Variants in CEP135 observed in about 807,000 individuals in gnomAD.
The protein encoded by CEP135 is centrosomal protein of 135 kDa.
Under a neutral mutation model 157.3 loss-of-function variants are expected in CEP135, and 142 were observed. The observed-to-expected ratio is 0.90, with a 90% CI of 0.79 to 1.04. CEP135 has a LOEUF of 1.04. CEP135 is among the 50% of genes least tolerant of loss of function. The pLI is 0.00. For synonymous variants in CEP135, 396 were observed against 439.8 expected (o/e 0.90, Z 1.25); for missense variants, 1,317 against 1,309.2 (o/e 1.01, Z -0.09).
chr4:56,013,469 C>T (rs1730662742), intron 21 of CEP135, among the ~76,000 whole-genome samples: 1 of 151,978 alleles, frequency 6.6e-6, no homozygotes, highest in Non-Finnish European at 1.5e-5. Context: ...AAAGCTTTTC[C>T]CCTATGTTTT....
At chr4:56,001,571 T>C (rs1730171247) in intron 17 of CEP135, among the ~76,000 whole-genome samples, 1 of 152,134 alleles carries the variant, frequency 6.6e-6, no homozygotes, top group South Asian at 2.1e-4. Context: ...GCTTTAAATG[T>C]GTGGATTTAT....
At chr4:56,010,175 A>ACCCCCCCCCCCC (rs3036749) in intron 19 of CEP135, among the ~76,000 whole-genome samples, 2 of 122,884 alleles carry the variant, frequency 1.6e-5, no homozygotes, top group African/African-American at 2.9e-5. Context: ...CATTGTGAAA[A>ACCCCCCCCCCCC]CCCCCCCCCC....
In CEP135 at chr4:55,965,846, T is replaced by C. The variant is rs769895661; in HGVS notation, c.1031T>C (p.Leu344Pro). The C allele has an allele frequency of 2.5e-6, 4 of 1,612,736 alleles. No homozygotes were observed. In the South Asian group the frequency reaches 4.4e-5, roughly 18 times the overall value. Residue 344 changes from leucine to proline, a missense_variant, in exon 8 of 26, where the codon CTT (leucine) becomes CCT (proline). Coordinates refer to ENST00000257287, the MANE Select transcript of CEP135 (RefSeq NM_025009.5). ...EEVLETADKELGEAKKEIKRK... is the reference protein window; with the variant it reads ...EEVLETADKEPGEAKKEIKRK... ...GTGCTTGAGACTGCTGATAAAGAGCTTGGGGAAGCAAAGGTAATGAATGAT... is the reference window on the plus strand; with the variant it reads ...GTGCTTGAGACTGCTGATAAAGAGCCTGGGGAAGCAAAGGTAATGAATGAT...
intron 4 of CEP135, 94 bp downstream of exon 4, chr4:55,954,477 C>T (rs1305338152): frequency 2.8e-6 from 3 of 1,058,946 alleles, no homozygotes; most frequent in African/African-American, 1.6e-5. Flanking sequence ...ATTGGATTTT[C>T]ATGCTTAGAC....
intron 10 of CEP135, among the ~76,000 whole-genome samples, chr4:55,971,804 A>C (rs1200113322): frequency 6.6e-6 from 1 of 152,212 alleles, no homozygotes. Context: ...AAATTGAAAT[A>C]GGCTAACTTT....
chr4:55,958,916 C>T (rs980846129), intron 5 of CEP135, among the ~76,000 whole-genome samples: 10 of 152,146 alleles, frequency 6.6e-5, no homozygotes, highest in African/African-American at 2.2e-4. Context: ...AAAACTCTCT[C>T]TCTACAAAAA....
intron 11 of CEP135, among the ~76,000 whole-genome samples, chr4:55,975,851 A>G (rs189301661): frequency 9.5e-4 from 145 of 152,310 alleles, no homozygotes; most frequent in African/African-American, 3.2e-3. Context: ...TCTTGTGTCC[A>G]TTGTCAAACA....
At chr4:56,006,626 A>G (rs1730354281) in intron 17 of CEP135, among the ~76,000 whole-genome samples, 1 of 152,136 alleles carries the variant, frequency 6.6e-6, no homozygotes, top group Non-Finnish European at 1.5e-5. Flanking sequence ...TCAAAAAAAT[A>G]TATTAAAAAT....
intron 1 of CEP135, among the ~76,000 whole-genome samples, chr4:55,951,819 C>T (rs985984951): frequency 3.3e-5 from 5 of 152,138 alleles, no homozygotes; most frequent in Non-Finnish European, 7.4e-5. Flanking sequence ...GAAGTCTCTG[C>T]CTACTTCAGG....
At chr4:55,999,936 T>A (rs1429479025) in intron 17 of CEP135, among the ~76,000 whole-genome samples, 2 of 152,220 alleles carry the variant, frequency 1.3e-5, no homozygotes, top group African/African-American at 4.8e-5. Context: ...ACACCTGCAA[T>A]CCCAGCACTT....
At chr4:56,009,121 C>T (rs939253548) in intron 18 of CEP135, among the ~76,000 whole-genome samples, 1 of 152,062 alleles carries the variant, frequency 6.6e-6, no homozygotes, top group Non-Finnish European at 1.5e-5. Context: ...AGGCTGGTCT[C>T]GAACTCCTGG....
At chr4:55,998,435 T>TGTAG (rs1187886560) in intron 15 of CEP135, among the ~76,000 whole-genome samples, 41 of 152,338 alleles carry the variant, frequency 2.7e-4, no homozygotes, top group African/African-American at 9.4e-4. Flanking sequence ...TCGTTAACCA[T>TGTAG]GTAGGCCGCT....
Position 55,999,538 on chromosome 4 carries a change from A to G in CEP135, c.2173A>G (p.Met725Val). The G allele has an allele frequency of 1.2e-6, 2 of 1,611,460 alleles. No individual in the cohort carries two copies. The highest frequency in any genetic ancestry group is 1.7e-4 in the Middle Eastern group (1 of 5,886). The change falls in exon 17 of 26, where the codon ATG becomes GTG. Residue 725 changes from methionine (M) to valine (V), a missense_variant. Coordinates refer to ENST00000257287, the MANE Select transcript of CEP135 (RefSeq NM_025009.5). ...TTCACAGGATGAGGAGGCTCATGTA[A>G]TGAAAAAGACCATTGGTGTTATTGA... ...MTSQDEEAHV[M>V]KKTIGVIDKE... is the part of the protein sequence containing the mutation.
chr4:55,990,338 G>A (rs1729743415), intron 14 of CEP135, among the ~76,000 whole-genome samples: 1 of 152,128 alleles, frequency 6.6e-6, no homozygotes, highest in Admixed American at 6.6e-5. Context: ...TGTGTGGTCA[G>A]TCCACAGTTT....
intron 21 of CEP135, among the ~76,000 whole-genome samples, chr4:56,017,383 C>G (rs1169572550): frequency 1.3e-5 from 2 of 152,026 alleles, no homozygotes; most frequent in Non-Finnish European, 2.9e-5. Context: ...CACCCTGATA[C>G]AATAACTTTC....
At position 55,953,122 on chromosome 4, in the gene CEP135, A is replaced by G. The variant is rs760726492; in HGVS notation, c.151A>G (p.Lys51Glu). Residue 51 changes from lysine to glutamate, a missense_variant, in exon 3 of 26, where the codon AAA (lysine) becomes GAA (glutamate). By Grantham distance (56) the Lys-to-Glu change is moderately conservative. Transcript: ENST00000257287. The part of the protein sequence containing the change: ...VHTTESLRQS[K>E]LSAVKAEKES... ...TACAACTGAGAGCCTTCGGCAATCA[A>G]AATTATCTGCTGTGAAAGCTGAAAA... is the stretch of plus-strand genomic sequence containing the variant. 4 of 1,600,944 alleles carry G rather than the reference A, an allele frequency of 2.5e-6. No individual in the cohort carries two copies. The Admixed American group carries it at 5.3e-5, about 21-fold the overall frequency.
intron 6 of CEP135, 112 bp downstream of exon 6, chr4:55,959,878 T>C: frequency 4.7e-6 from 4 of 851,156 alleles, no homozygotes. Flanking sequence ...ACAGCTTTCC[T>C]CTTTTTCATC....
intron 7 of CEP135, chr4:55,965,147 A>T (rs979128526): frequency 2.6e-5 from 4 of 152,352 alleles, no homozygotes; most frequent in African/African-American, 9.7e-5. Flanking sequence ...AGGTGAAATT[A>T]ATTGTAACAA....
chr4:55,997,530 C>T (rs1410701909), intron 15 of CEP135, among the ~76,000 whole-genome samples: 2 of 152,106 alleles, frequency 1.3e-5, no homozygotes, highest in African/African-American at 4.8e-5. Flanking sequence ...GAAAGGACTC[C>T]GTATAGCTTC....
Sources: gnomAD v4.1 joint callset for allele counts (sites outside exome capture counted in the v4.1 genomes callset) on GRCh38, gnomAD v4.1.1 for gene constraint, MANE v1.5 for transcripts, NCBI Gene and HGNC (gene_info 2026-07-23, HGNC 2026-07-21) for gene names.